Variants in EHMT1 observed in about 807,000 individuals in gnomAD.
EHMT1 encodes histone-lysine N-methyltransferase EHMT1.
In EHMT1, 15 loss-of-function variants were observed where a neutral mutation model predicts 147.2. The observed-to-expected ratio is 0.10, with a 90% CI of 0.07 to 0.16. EHMT1 has a LOEUF of 0.16. Ranked by LOEUF, EHMT1 falls within the 10% of genes least tolerant of loss-of-function variation. The probability of loss-of-function intolerance (pLI) is 1.00; values close to 1 mark genes in which losing one functional copy is unlikely to be tolerated. For missense variants in EHMT1, 1,587 were observed against 1,772.4 expected (o/e 0.90, Z 1.88); for synonymous variants, 795 against 709.6 (o/e 1.12, Z -1.91).
intron 1 of EHMT1, among the ~76,000 whole-genome samples, chr9:137,639,344 G>T (rs1470088755): frequency 6.6e-6 from 1 of 152,112 alleles, no homozygotes; most frequent in Non-Finnish European, 1.5e-5. Context: ...GATTGAATTG[G>T]TTGATAGTAT....
chr9:137,778,128 G>T (rs569904009), intron 13 of EHMT1, 73 bp downstream of exon 13: 4 of 1,582,434 alleles, frequency 2.5e-6, no homozygotes, highest in Non-Finnish European at 3.5e-6. Flanking sequence ...TTTCCCCATG[G>T]TGTCACTTTA....
intron 4 of EHMT1, 40 bp from the exon 5 acceptor site, chr9:137,743,331 T>C (rs746086966): frequency 1.3e-6 from 2 of 1,550,560 alleles, no homozygotes; most frequent in African/African-American, 2.8e-5. Flanking sequence ...GTGTTTCTTT[T>C]CCTTTCTTGT....
At chr9:137,665,387 C>T (rs557072185) in intron 1 of EHMT1, among the ~76,000 whole-genome samples, 29 of 152,164 alleles carry the variant, frequency 1.9e-4, no homozygotes, top group Non-Finnish European at 3.5e-4. Context: ...GAACCTGCGT[C>T]GTGCAGGTGC....
In EHMT1 at chr9:137,702,814, G is replaced by T. The variant is rs917049123; in HGVS notation, c.22-8153G>T. 2.0e-5 allele frequency among the ~76,000 whole-genome samples: 3 copies of T among 152,238 alleles called. No homozygotes were observed. In the East Asian group the frequency reaches 5.8e-4, roughly 29 times the overall value. ...GGCTTCGCCCCTGCAGGAAGCTTCT[G>T]TCTGGACATCTGGACATTTCCATAT... On this transcript the variant is annotated intron_variant, in intron 1 of 26. Transcript: ENST00000460843.
intron 1 of EHMT1, among the ~76,000 whole-genome samples, chr9:137,677,160 G>T (rs1282514685): frequency 6.6e-6 from 1 of 151,862 alleles, no homozygotes; most frequent in Non-Finnish European, 1.5e-5. Context: ...TTAAGACAGA[G>T]TTTCGCTCTG....
Position 137,777,784 on chromosome 9 carries a change from C to T in EHMT1, c.2019-98C>T, listed in dbSNP as rs1194885310. On this transcript the variant is annotated intron_variant, in intron 12 of 26. Transcript: ENST00000460843. ...ACTAAGCGGACAGTAAGCAAATCCG[C>T]AGCTCTCACTTAGAAAACAGCGCTC... is the stretch of plus-strand genomic sequence containing the variant. 6.5e-6 allele frequency: 10 copies of T among 1,531,178 alleles called. 1 individual carries two copies. The highest frequency in any genetic ancestry group is 2.2e-5 in the South Asian group (2 of 89,398). 94.8% of individuals were successfully genotyped at this position (1,531,178 alleles called of 1,614,324 possible).
chr9:137,750,610 G>A (rs552401631), intron 6 of EHMT1, among the ~76,000 whole-genome samples: 1 of 152,348 alleles, frequency 6.6e-6, no homozygotes, highest in Admixed American at 6.5e-5. Flanking sequence ...CTCCATGTTT[G>A]CCTCTAAATT....
At chr9:137,725,965 C>T (rs1946583538) in intron 3 of EHMT1, among the ~76,000 whole-genome samples, 1 of 152,132 alleles carries the variant, frequency 6.6e-6, no homozygotes, top group African/African-American at 2.4e-5. Flanking sequence ...CTCCTGAATC[C>T]CTCAGAGCTG....
Position 137,813,727 on chromosome 9 carries a change from C to T in EHMT1, c.3180+197C>T, listed in dbSNP as rs1228668853. 6.6e-6 allele frequency among the ~76,000 whole-genome samples: 1 copy of T among 152,228 alleles called. No homozygotes were observed. Among genetic ancestry groups the T allele is most frequent in the African/African-American group, 2.4e-5 (1 of 41,454 alleles). ...GATAAAGGTTCTGTCAGGCCCAGCCCTGGGCCCTCTCATTGCTCTTCCAAG... is the reference window on the plus strand; with the variant it reads ...GATAAAGGTTCTGTCAGGCCCAGCCTTGGGCCCTCTCATTGCTCTTCCAAG... On this transcript the variant is annotated intron_variant, in intron 21 of 26. Transcript: ENST00000460843. The surrounding 1 kb of genome is among the most constrained non-coding windows in gnomAD (Gnocchi z 4.9).
Position 137,782,228 on chromosome 9 carries a change from C to A in EHMT1, c.2276-63C>A. On this transcript the variant is annotated intron_variant, in intron 14 of 26. Coordinates refer to ENST00000460843, the MANE Select transcript of EHMT1 (RefSeq NM_024757.5). This position sits in a 1 kb window ranked among gnomAD's most constrained non-coding sequence, Gnocchi z 5.7. The stretch of plus-strand genomic sequence containing the variant: ...TGTGAGTGCTTGCCAGCCATCGTGA[C>A]AGTCCTGAGCTGGAGTCTGTGGCTA... 6.9e-7 allele frequency: 1 copy of A among 1,459,632 alleles called. No individual in the cohort carries two copies. The allele number at this position is 1,459,632 out of a possible 1,614,324, so 90.4% of individuals were successfully genotyped here. A position where few individuals can be genotyped will look rare whatever the true frequency, so the allele number is the denominator to read the frequency against.
chr9:137,679,658 A>T (rs1941747058), intron 1 of EHMT1, among the ~76,000 whole-genome samples: 1 of 152,124 alleles, frequency 6.6e-6, no homozygotes, highest in African/African-American at 2.4e-5. Flanking sequence ...TTTTTAAAAA[A>T]CTGATTTGTA....
At chr9:137,741,854 G>A (rs1161986739) in intron 4 of EHMT1, among the ~76,000 whole-genome samples, 1 of 152,168 alleles carries the variant, frequency 6.6e-6, no homozygotes, top group Non-Finnish European at 1.5e-5. Flanking sequence ...AAAGTTGGCT[G>A]TATATATATT....
At chr9:137,683,161 A>C (rs1270771202) in intron 1 of EHMT1, among the ~76,000 whole-genome samples, 1 of 152,252 alleles carries the variant, frequency 6.6e-6, no homozygotes, top group African/African-American at 2.4e-5. Flanking sequence ...GACTTTATTA[A>C]AATCATCAGT....
At chr9:137,663,946 C>G (rs1939353966) in intron 1 of EHMT1, among the ~76,000 whole-genome samples, 1 of 152,140 alleles carries the variant, frequency 6.6e-6, no homozygotes, top group Admixed American at 6.5e-5. Flanking sequence ...TTACTACAAA[C>G]TAAGTACTAT....
chr9:137,672,539 T>C (rs1414597386), intron 1 of EHMT1, among the ~76,000 whole-genome samples: 1 of 152,242 alleles, frequency 6.6e-6, no homozygotes, highest in Non-Finnish European at 1.5e-5. Context: ...CCCTTTGGGG[T>C]ACTCAGTGTG....
At chr9:137,726,716 TC>T (rs758675569) in intron 3 of EHMT1, among the ~76,000 whole-genome samples, 1 of 152,222 alleles carries the variant, frequency 6.6e-6, no homozygotes, top group African/African-American at 2.4e-5. Flanking sequence ...CCGTTTCACT[TC>T]CTACCAGCAG....
At chr9:137,802,373 G>A (rs1953566216) in intron 18 of EHMT1, 1 of 398,696 alleles carries the variant, frequency 2.5e-6, no homozygotes, top group Non-Finnish European at 4.4e-6. Flanking sequence ...GAAATGGGAG[G>A]TGCTGTAGCC....
intron 26 of EHMT1, 122 bp downstream of exon 26, chr9:137,834,646 A>G (rs1366939409): frequency 5.3e-5 from 85 of 1,594,972 alleles, no homozygotes; most frequent in Non-Finnish European, 7.0e-5. Flanking sequence ...GTAGTTCTAA[A>G]AACTGCGACC....
At chr9:137,717,224 C>G (rs747904528) in intron 3 of EHMT1, 42 bp downstream of exon 3, 9 of 1,604,236 alleles carry the variant, frequency 5.6e-6, no homozygotes, top group South Asian at 4.4e-5. Flanking sequence ...TTTCCCATCT[C>G]TTTTGTTTTA....
Sources: allele counts gnomAD v4.1 joint callset (sites outside exome capture counted in the v4.1 genomes callset), GRCh38; gene constraint gnomAD v4.1.1; non-coding constraint Gnocchi (gnomAD v3.1); transcripts MANE v1.5; gene names NCBI Gene and HGNC (gene_info 2026-07-23, HGNC 2026-07-21).